PARL: variants seen among roughly 807,000 people sequenced by gnomAD.
PARL encodes the protein presenilin associated rhomboid like, also known as presenilin-associated rhomboid-like protein, mitochondrial.
In PARL, 44 loss-of-function variants were observed where a neutral mutation model predicts 51.6. That is an observed-to-expected ratio of 0.85 (90% CI 0.67 to 1.10). PARL has a LOEUF of 1.10. Ranked by LOEUF, PARL falls within the 50% of genes least tolerant of loss-of-function variation. The pLI is 0.00. For synonymous variants in PARL, 172 were observed against 164.0 expected (o/e 1.05, Z -0.37); for missense variants, 441 against 469.5 (o/e 0.94, Z 0.56).
At chr3:183,828,573 G>A (rs565700706), downstream of PARL, among the ~76,000 whole-genome samples, 1 of 152,344 alleles carries the variant, frequency 6.6e-6, no homozygotes, top group Non-Finnish European at 1.5e-5. Flanking sequence ...ATGAAGGACT[G>A]CCAAATACTG....
intron 1 of PARL, among the ~76,000 whole-genome samples, chr3:183,876,426 C>T (rs4634174): frequency 0.73 from 110,391 of 151,920 alleles, 40,392 homozygotes; most frequent in East Asian, 0.96. Context: ...TACTGTTCAT[C>T]GACAATGTAT....
intron 7 of PARL, among the ~76,000 whole-genome samples, chr3:183,838,772 T>C (rs928125363): frequency 6.6e-6 from 1 of 152,208 alleles, no homozygotes; most frequent in Admixed American, 6.5e-5. Flanking sequence ...CTTCATTAAG[T>C]TTGCACTTCA....
At chr3:183,831,305 A>G (rs1376539987) in intron 9 of PARL, among the ~76,000 whole-genome samples, 2 of 152,230 alleles carry the variant, frequency 1.3e-5, no homozygotes, top group Non-Finnish European at 2.9e-5. Flanking sequence ...ACTTATTTCA[A>G]GCAAAGAGTC....
At chr3:183,862,665 G>C (rs780309726) in intron 4 of PARL, 88 bp downstream of exon 4, 2 of 972,004 alleles carry the variant, frequency 2.1e-6, no homozygotes, top group Admixed American at 3.4e-5. Context: ...GGTGAGCATG[G>C]TACAAGAGCC....
chr3:183,876,900 A>G (rs1733916522), intron 1 of PARL, among the ~76,000 whole-genome samples: 1 of 152,200 alleles, frequency 6.6e-6, no homozygotes, highest in Non-Finnish European at 1.5e-5. Context: ...AAGTAACTGC[A>G]GATGCGGTAG....
intron 4 of PARL, chr3:183,846,683 G>C (rs1023866070): frequency 2.1e-6 from 2 of 955,002 alleles, no homozygotes; most frequent in South Asian, 9.7e-5. Flanking sequence ...GCTTTCATGG[G>C]GCACCCCATT....
In PARL at chr3:183,829,530, C is replaced by T. The variant is rs1577262615; in HGVS notation, c.*68G>A. The T allele has an allele frequency of 1.2e-6, 2 of 1,613,858 alleles. No homozygotes were observed. Among genetic ancestry groups the T allele is most frequent in the South Asian group, 2.2e-5 (2 of 91,046 alleles). On this transcript the variant is annotated 3_prime_UTR_variant, in exon 10 of 10. Coordinates refer to ENST00000317096, the MANE Select transcript of PARL (RefSeq NM_018622.7). Reference sequence around the variant, plus strand: ...AGACGGGAGCATAGCCATGGTCACTCTAGCCGATGTCTCCTGGGGCTCTCA... The same window carrying T: ...AGACGGGAGCATAGCCATGGTCACTTTAGCCGATGTCTCCTGGGGCTCTCA...
At chr3:183,829,091 C>T (rs558113673), downstream of PARL, among the ~76,000 whole-genome samples, 1 of 152,336 alleles carries the variant, frequency 6.6e-6, no homozygotes, top group South Asian at 2.1e-4. Flanking sequence ...GTATATGCCA[C>T]TCACTGCCAG....
At chr3:183,843,664 A>G (rs1729600471) in intron 5 of PARL, among the ~76,000 whole-genome samples, 1 of 152,122 alleles carries the variant, frequency 6.6e-6, no homozygotes, top group Non-Finnish European at 1.5e-5. Flanking sequence ...CCCCGTCTCT[A>G]CTAAAAATAC....
At chr3:183,844,450 GGGTGAGCC>G in intron 4 of PARL, 124 bp from the exon 5 acceptor site, 2 of 698,170 alleles carry the variant, frequency 2.9e-6, no homozygotes, top group Admixed American at 2.4e-5. Flanking sequence ...GGGGGATAGG[GGGTGAGCC>G]AAAAAAAAGC....
rs769415274 is a variant in PARL, at chr3:183,846,581, C to T, written c.512-2255G>A. The stretch of plus-strand genomic sequence containing the variant: ...AACACTGCTAAGTTTTCAATCCAAA[C>T]GCAAGAAGCTTTTCTGATAAATAAT... On this transcript the variant is annotated intron_variant, in intron 4 of 9. Transcript: ENST00000317096. 2.6e-5 allele frequency: 26 copies of T among 984,736 alleles called. No homozygotes were observed. In the East Asian group the frequency reaches 1.0e-3, roughly 39 times the overall value. 61.0% of individuals were successfully genotyped at this position (984,736 alleles called of 1,614,324 possible). A position where few individuals can be genotyped will look rare whatever the true frequency, so the allele number is the denominator to read the frequency against.
rs1171552635 is a variant in PARL, at chr3:183,833,395, GTC to G, written c.1028+95_1028+96del. 1.9e-5 allele frequency: 15 copies of G among 792,758 alleles called. No individual in the cohort carries two copies. The East Asian group carries it at 3.7e-4, about 20-fold the overall frequency. 49.1% of individuals were successfully genotyped at this position (792,758 alleles called of 1,614,324 possible). On this transcript the variant is annotated intron_variant, in intron 9 of 9. Coordinates refer to ENST00000317096, the MANE Select transcript of PARL (RefSeq NM_018622.7). ...TTCTGCTTCCGTTGCATAGTTCAAT[GTC>G]TCTGCCATGGGGATGGGGGGTAGGG...
chr3:183,838,614 T>C (rs779822819), intron 7 of PARL, among the ~76,000 whole-genome samples: 36 of 152,250 alleles, frequency 2.4e-4, no homozygotes, highest in Non-Finnish European at 4.6e-4. Flanking sequence ...ATGTACTTGC[T>C]TTGCACCTCA....
intron 1 of PARL, among the ~76,000 whole-genome samples, chr3:183,879,129 C>T (rs571833535): frequency 8.5e-5 from 13 of 152,316 alleles, no homozygotes; most frequent in African/African-American, 2.6e-4. Flanking sequence ...TGTTTCACTA[C>T]GACTTACTCC....
intron 4 of PARL, among the ~76,000 whole-genome samples, chr3:183,853,685 A>T (rs1202778448): frequency 6.6e-6 from 1 of 152,238 alleles, no homozygotes; most frequent in Non-Finnish European, 1.5e-5. Flanking sequence ...GCTCAACATC[A>T]CTAATCACCA....
chr3:183,857,730 A>T (rs1731330817), intron 4 of PARL, among the ~76,000 whole-genome samples: 1 of 152,180 alleles, frequency 6.6e-6, no homozygotes, highest in African/African-American at 2.4e-5. Context: ...TACAATGACA[A>T]AATCTAGTCT....
rs186837253 is a variant in PARL at position 183,859,850 on chromosome 3, T to C, written c.511+2903A>G. Reference sequence around the variant, plus strand: ...ACTTACCGTATCCAAAATCTTTCCATCCAAATTCAAGAGCTCAACAGATTC... The same window carrying C: ...ACTTACCGTATCCAAAATCTTTCCACCCAAATTCAAGAGCTCAACAGATTC... On this transcript the variant is annotated intron_variant, in intron 4 of 9. Transcript: ENST00000317096. Among the ~76,000 whole-genome samples, 4 of 152,104 alleles carry C rather than the reference T, an allele frequency of 2.6e-5. No individual in the cohort carries two copies. The South Asian group carries it at 6.2e-4, about 24-fold the overall frequency.
At chr3:183,841,688 C>T (rs534946825) in intron 6 of PARL, among the ~76,000 whole-genome samples, 3 of 152,176 alleles carry the variant, frequency 2.0e-5, no homozygotes, top group Admixed American at 6.5e-5. Context: ...CCAACTGTCA[C>T]GTTAGCAGCA....
chr3:183,851,154 G>A (rs547872522), intron 4 of PARL, among the ~76,000 whole-genome samples: 4 of 152,210 alleles, frequency 2.6e-5, no homozygotes, highest in East Asian at 1.9e-4. Context: ...CATTAACTCC[G>A]AATTAATCAA....
Sources: allele counts gnomAD v4.1 joint callset (sites outside exome capture counted in the v4.1 genomes callset), GRCh38; gene constraint gnomAD v4.1.1; transcripts MANE v1.5; gene names NCBI Gene and HGNC (gene_info 2026-07-23, HGNC 2026-07-21).